The following HPSE2 variants were observed in gnomAD, a reference collection of about 807,000 sequenced individuals.
HPSE2 encodes inactive heparanase-2.
In HPSE2, 38 loss-of-function variants were observed where a neutral mutation model predicts 60.5. That is an observed-to-expected ratio of 0.63 (90% CI 0.48 to 0.82). The LOEUF (loss-of-function observed/expected upper bound fraction) is 0.82. HPSE2 is among the 40% of genes least tolerant of loss of function. The probability of loss-of-function intolerance (pLI) is 0.00; values close to 1 mark genes in which losing one functional copy is unlikely to be tolerated. For synonymous variants in HPSE2, 295 were observed against 293.2 expected (o/e 1.01, Z -0.06); for missense variants, 713 against 740.4 (o/e 0.96, Z 0.43).
rs1222897996 is a variant in HPSE2 at position 99,153,513 on chromosome 10, G to A, written c.449-9114C>T. 2.0e-5 allele frequency among the ~76,000 whole-genome samples: 3 copies of A among 151,922 alleles called. No individual in the cohort carries two copies. The East Asian group carries it at 5.8e-4, about 29-fold the overall frequency. ...ACACACTGACACCTCACACGGCAGGGTATTCCAACAGACCTGCAGCTGAGG... is the reference window on the plus strand; with the variant it reads ...ACACACTGACACCTCACACGGCAGGATATTCCAACAGACCTGCAGCTGAGG... On this transcript the variant is annotated intron_variant, in intron 2 of 11. Transcript: ENST00000370552.
intron 3 of HPSE2, among the ~76,000 whole-genome samples, chr10:98,818,418 G>A (rs1038383143): frequency 6.6e-6 from 1 of 152,154 alleles, no homozygotes; most frequent in Non-Finnish European, 1.5e-5. Context: ...ATGCTCCTGT[G>A]AGAATCTAAT....
intron 4 of HPSE2, among the ~76,000 whole-genome samples, chr10:98,724,966 C>T (rs1259025877): frequency 3.3e-5 from 5 of 152,048 alleles, no homozygotes; most frequent in Non-Finnish European, 5.9e-5. Context: ...GAACTACAAA[C>T]CACTGCTCAA....
intron 3 of HPSE2, among the ~76,000 whole-genome samples, chr10:98,938,354 A>G (rs1589394697): frequency 7.0e-6 from 1 of 143,642 alleles, no homozygotes. Flanking sequence ...AAATTTAGAC[A>G]AATGTATAAC....
At chr10:98,743,302 T>C (rs1478013766) in intron 4 of HPSE2, among the ~76,000 whole-genome samples, 1 of 152,162 alleles carries the variant, frequency 6.6e-6, no homozygotes, top group Non-Finnish European at 1.5e-5. Flanking sequence ...ATGGGCCCTA[T>C]GTGACTGCAC....
At chr10:98,545,738 G>T (rs1033453783) in intron 9 of HPSE2, among the ~76,000 whole-genome samples, 4 of 151,644 alleles carry the variant, frequency 2.6e-5, no homozygotes, top group African/African-American at 9.7e-5. Flanking sequence ...TTTGAAAACT[G>T]GCACAAGACA....
chr10:98,890,405 T>G (rs1953300616), intron 3 of HPSE2, among the ~76,000 whole-genome samples: 1 of 152,036 alleles, frequency 6.6e-6, no homozygotes, highest in Non-Finnish European at 1.5e-5. Flanking sequence ...GAGTCGACAA[T>G]ATTGTGGGAA....
rs1454867107 is a variant in HPSE2, at chr10:99,232,492, C to A, written c.304G>T (p.Val102Leu). The change falls in exon 2 of 12, where the codon GTG (valine) becomes TTG (leucine). Residue 102 changes from valine (V) to leucine (L), a missense_variant. Val to Leu is a conservative substitution (Grantham distance 32). Transcript: ENST00000370552. Reference protein sequence around the residue: ...WLDFLSSKRLVTLARGLSPAF... With the variant: ...WLDFLSSKRLLTLARGLSPAF... ...GGCGAAAGTCCCCGGGCCAGGGTCACCAAGCGCTTGGAGCTGCAGAGGAAG... is the reference window on the plus strand; with the variant it reads ...GGCGAAAGTCCCCGGGCCAGGGTCAACAAGCGCTTGGAGCTGCAGAGGAAG... The A allele has an allele frequency of 4.5e-6, 7 of 1,554,768 alleles. No individual in the cohort carries two copies. The highest frequency in any genetic ancestry group is 6.1e-6 in the Non-Finnish European group (7 of 1,149,558).
In HPSE2 at chr10:98,600,922, T is replaced by TAC. The variant is rs1347769661; in HGVS notation, c.1320+13981_1320+13982insGT. Among the ~76,000 whole-genome samples, 110 of 44,896 alleles carry TAC rather than the reference T, an allele frequency of 2.5e-3. 7 individuals carry two copies. In the South Asian group the frequency reaches 0.13, roughly 52 times the overall value. The allele number at this position is 44,896 out of a possible 152,430, so 29.5% of individuals were successfully genotyped here. On this transcript the variant is annotated intron_variant, in intron 9 of 11. Coordinates refer to ENST00000370552, the MANE Select transcript of HPSE2 (RefSeq NM_021828.5). ...ATATATGTGTGTGTGTATATATATA[T>TAC]ATATATATATATATATATAGAAAGA...
intron 9 of HPSE2, among the ~76,000 whole-genome samples, chr10:98,577,890 G>A (rs1405078699): frequency 1.3e-5 from 2 of 152,220 alleles, no homozygotes; most frequent in East Asian, 3.9e-4. Flanking sequence ...CTCTCCAAAT[G>A]CTGAGTTTAT....
intron 3 of HPSE2, among the ~76,000 whole-genome samples, chr10:98,894,453 A>G (rs371264002): frequency 7.9e-5 from 12 of 152,316 alleles, no homozygotes; most frequent in African/African-American, 2.6e-4. Flanking sequence ...AAATGTTACC[A>G]TTTAAAGTTC....
chr10:99,308,950 A>G, the HPSE2 span, among the ~76,000 whole-genome samples: 3 of 152,184 alleles, frequency 2.0e-5, no homozygotes, highest in Non-Finnish European at 4.4e-5. Flanking sequence ...TTATTTTCAC[A>G]TTGAGAAACA....
intron 9 of HPSE2, among the ~76,000 whole-genome samples, chr10:98,525,476 C>T (rs192879473): frequency 6.6e-6 from 1 of 152,350 alleles, no homozygotes; most frequent in East Asian, 1.9e-4. Flanking sequence ...CACTTACGGA[C>T]TACCTGCTGG....
At chr10:98,549,257 T>G (rs141020538) in intron 9 of HPSE2, among the ~76,000 whole-genome samples, 3 of 152,262 alleles carry the variant, frequency 2.0e-5, no homozygotes, top group African/African-American at 7.2e-5. Context: ...ATTAATAGTA[T>G]TTACCTTATA....
At chr10:99,109,507 T>C (rs1227950305) in intron 3 of HPSE2, among the ~76,000 whole-genome samples, 1 of 152,130 alleles carries the variant, frequency 6.6e-6, no homozygotes, top group African/African-American at 2.4e-5. Context: ...ATTTCGCAGC[T>C]GAAACTGGTC....
At chr10:99,169,565 A>G (rs1440969578) in intron 2 of HPSE2, among the ~76,000 whole-genome samples, 1 of 148,480 alleles carries the variant, frequency 6.7e-6, no homozygotes, top group African/African-American at 2.5e-5. Context: ...GACCCATTTA[A>G]CTTGTAAAAT....
intron 5 of HPSE2, among the ~76,000 whole-genome samples, chr10:98,694,604 A>G (rs998751446): frequency 1.3e-5 from 2 of 152,218 alleles, no homozygotes; most frequent in African/African-American, 4.8e-5. Context: ...AGTTAAGCAC[A>G]CATCAAAGCC....
chr10:98,970,472 C>T lies in HPSE2; in HGVS notation c.610+173766G>A, dbSNP rs142905299. Among the ~76,000 whole-genome samples the T allele has an allele frequency of 6.9e-4, 105 of 152,272 alleles. 1 individual carries two copies. The highest frequency in any genetic ancestry group is 2.5e-3 in the African/African-American group (102 of 41,556). On this transcript the variant is annotated intron_variant, in intron 3 of 11. Coordinates refer to ENST00000370552, the MANE Select transcript of HPSE2 (RefSeq NM_021828.5). ...AAACCGTATCAGGTCCTTTGCAACA[C>T]TGACACTTTATAATTATGGAAACGT...
At chr10:99,009,462 G>A (rs1956964725) in intron 3 of HPSE2, among the ~76,000 whole-genome samples, 1 of 152,002 alleles carries the variant, frequency 6.6e-6, no homozygotes, top group African/African-American at 2.4e-5. Context: ...GAACATCAGG[G>A]ATAGCATTCA....
intron 2 of HPSE2, among the ~76,000 whole-genome samples, chr10:99,156,304 G>T (rs974187270): frequency 3.1e-4 from 39 of 125,886 alleles, no homozygotes; most frequent in African/African-American, 9.9e-4. Context: ...CCAAAAAAGA[G>T]AATTTTAGAC....
Sources: allele counts gnomAD v4.1 joint callset (sites outside exome capture counted in the v4.1 genomes callset), GRCh38; gene constraint gnomAD v4.1.1; transcripts MANE v1.5; gene names NCBI Gene and HGNC (gene_info 2026-07-23, HGNC 2026-07-21).